Variants in RYR2 observed in about 807,000 individuals in gnomAD.
RYR2 encodes ryanodine receptor 2.
A neutral mutation model predicts 601.1 loss-of-function variants in RYR2; 227 were observed. The observed-to-expected ratio is 0.38, with a 90% CI of 0.34 to 0.42. The LOEUF is 0.42. Ranked by LOEUF, RYR2 falls within the 10% of genes least tolerant of loss-of-function variation. RYR2 has a pLI of 1.00. For missense variants in RYR2, 4,646 were observed against 6,156.5 expected, an observed-to-expected ratio of 0.75 and a Z score of 8.21; for synonymous variants, 2,223 against 2,175.1, an observed-to-expected ratio of 1.02 and a Z score of -0.61.
At chr1:237,651,286 T>C in intron 50 of RYR2, 125 bp from the exon 51 acceptor site, 1 of 684,366 alleles carries the variant, frequency 1.5e-6, no homozygotes, top group South Asian at 1.7e-5. Context: ...AAAGAACATC[T>C]AATGAATACC....
At chr1:237,094,107 C>T (rs944075395) in intron 1 of RYR2, among the ~76,000 whole-genome samples, 1 of 152,240 alleles carries the variant, frequency 6.6e-6, no homozygotes, top group Admixed American at 6.5e-5. Context: ...CCATTTCGAC[C>T]TCTGTGCCTT....
At chr1:237,636,305 T>G (rs1243449855) in intron 44 of RYR2, among the ~76,000 whole-genome samples, 1 of 152,116 alleles carries the variant, frequency 6.6e-6, no homozygotes, top group Admixed American at 6.5e-5. Context: ...TTGTCCTGCC[T>G]TTAGAGAACA....
chr1:237,692,883 C>A (rs1011842500), intron 63 of RYR2, among the ~76,000 whole-genome samples: 2 of 152,166 alleles, frequency 1.3e-5, no homozygotes, highest in African/African-American at 4.8e-5. Context: ...AGATTAATAT[C>A]TCTCTTCTCT....
rs1308664330 is a variant in RYR2, at chr1:237,569,000, A to G, written c.3424-145A>G. The G allele has an allele frequency of 8.9e-6, 5 of 562,900 alleles. No individual in the cohort carries two copies. The Admixed American group carries it at 1.3e-4, about 15-fold the overall frequency. 34.9% of individuals were successfully genotyped at this position (562,900 alleles called of 1,614,324 possible). A position where few individuals can be genotyped will look rare whatever the true frequency, so the allele number is the denominator to read the frequency against. ...CAGACAGCTCCATTTTGCTTAGGAC[A>G]TTGCAGTAGACCGATATGCCAGCTG... On this transcript the variant is annotated intron_variant, in intron 28 of 104. Coordinates refer to ENST00000366574, the MANE Select transcript of RYR2 (RefSeq NM_001035.3).
At position 237,832,850 on chromosome 1, in the gene RYR2, A is replaced by C. The variant is rs1019771170; in HGVS notation, c.*203A>C. 6 of 460,494 alleles carry C rather than the reference A, an allele frequency of 1.3e-5. No individual in the cohort carries two copies. Among genetic ancestry groups the C allele is most frequent in the Admixed American group, 3.8e-5 (1 of 26,466 alleles). The allele number at this position is 460,494 out of a possible 1,614,324, so 28.5% of individuals were successfully genotyped here. ...ACTTTGAGACTAAAGACTGAAGAATAATCTAAATTCATACTCAGACAAAAA... is the reference window on the plus strand; with the variant it reads ...ACTTTGAGACTAAAGACTGAAGAATCATCTAAATTCATACTCAGACAAAAA... On this transcript the variant is annotated 3_prime_UTR_variant, in exon 105 of 105. Transcript: ENST00000366574.
chr1:237,068,032 ATTTTTT>A (rs36053229), intron 1 of RYR2, among the ~76,000 whole-genome samples: 42 of 122,878 alleles, frequency 3.4e-4, no homozygotes, highest in Non-Finnish European at 6.4e-4. Flanking sequence ...CAGAACTTTG[ATTTTTT>A]TTTTTTTTTT....
At chr1:237,546,481 G>A (rs1378667082) in intron 25 of RYR2, among the ~76,000 whole-genome samples, 3 of 152,050 alleles carry the variant, frequency 2.0e-5, no homozygotes, top group Non-Finnish European at 4.4e-5. Context: ...AGATTCAAGC[G>A]ATTCTCATGC....
chr1:237,748,194 T>C lies in RYR2; in HGVS notation c.11145+5845T>C, dbSNP rs538270606. On this transcript the variant is annotated intron_variant, in intron 80 of 104. Coordinates refer to ENST00000366574, the MANE Select transcript of RYR2 (RefSeq NM_001035.3). ...GGAATGAGGGAGGGCAAGTAGAAGA[T>C]AGAGTGTTCTTGAGCTGATCACAGC... 2.2e-4 allele frequency among the ~76,000 whole-genome samples: 34 copies of C among 152,206 alleles called. No homozygotes were observed. The South Asian group carries it at 6.8e-3, about 31-fold the overall frequency.
chr1:237,456,082 T>C (rs1658780113), intron 15 of RYR2, among the ~76,000 whole-genome samples: 1 of 152,206 alleles, frequency 6.6e-6, no homozygotes. Flanking sequence ...TAGCTCTTTA[T>C]GTGGTTTGCC....
chr1:237,544,711 A>G (rs1354088984), intron 25 of RYR2, among the ~76,000 whole-genome samples: 2 of 152,176 alleles, frequency 1.3e-5, no homozygotes, highest in African/African-American at 4.8e-5. Flanking sequence ...GTCAAACTGT[A>G]CTTATTTACT....
intron 13 of RYR2, 60 bp from the exon 14 acceptor site, chr1:237,445,341 C>T: frequency 6.2e-7 from 1 of 1,604,968 alleles, no homozygotes; most frequent in Admixed American, 1.7e-5. Flanking sequence ...ACACATCTCC[C>T]TAACTCTAGT....
chr1:237,410,561 C>T (rs994317701), intron 10 of RYR2, among the ~76,000 whole-genome samples: 6 of 152,126 alleles, frequency 3.9e-5, no homozygotes, highest in African/African-American at 1.2e-4. Flanking sequence ...TGTTACACAG[C>T]CATCCTATTT....
intron 73 of RYR2, among the ~76,000 whole-genome samples, chr1:237,720,822 T>G (rs917405679): frequency 1.3e-5 from 2 of 152,210 alleles, no homozygotes; most frequent in Non-Finnish European, 2.9e-5. Flanking sequence ...GTTATGATTA[T>G]AAGCAGAAAG....
At chr1:237,744,221 ATTAC>A (rs1691861245) in intron 80 of RYR2, among the ~76,000 whole-genome samples, 1 of 152,184 alleles carries the variant, frequency 6.6e-6, no homozygotes, top group Admixed American at 6.5e-5. Flanking sequence ...GAATTACAAA[ATTAC>A]TTACATTAAT....
chr1:237,334,555 C>T (rs541563550), intron 3 of RYR2, among the ~76,000 whole-genome samples: 1 of 151,862 alleles, frequency 6.6e-6, no homozygotes, highest in South Asian at 2.1e-4. Flanking sequence ...GTAAATAGGC[C>T]AAGACCTGTC....
chr1:237,107,405 C>T (rs890710193), intron 1 of RYR2, among the ~76,000 whole-genome samples: 3 of 150,352 alleles, frequency 2.0e-5, no homozygotes, highest in Non-Finnish European at 3.0e-5. Flanking sequence ...CCTGTAGTCC[C>T]AGCTACTCAG....
intron 3 of RYR2, among the ~76,000 whole-genome samples, chr1:237,338,091 G>T (rs953997374): frequency 6.6e-6 from 1 of 152,140 alleles, no homozygotes; most frequent in African/African-American, 2.4e-5. Context: ...ATCGTCACAG[G>T]TGCCAGGGAT....
intron 1 of RYR2, among the ~76,000 whole-genome samples, chr1:237,113,361 G>A (rs576615915): frequency 2.0e-5 from 3 of 151,354 alleles, no homozygotes; most frequent in Non-Finnish European, 4.4e-5. Context: ...ACCATGCTTG[G>A]CTAATTTTTT....
At chr1:237,676,053 AC>A (rs1196260573) in intron 60 of RYR2, among the ~76,000 whole-genome samples, 2 of 152,162 alleles carry the variant, frequency 1.3e-5, no homozygotes, top group Non-Finnish European at 2.9e-5. Flanking sequence ...TAACCGAAGA[AC>A]AAAAATGAGG....
Sources: gnomAD v4.1 joint callset for allele counts (sites outside exome capture counted in the v4.1 genomes callset) on GRCh38, gnomAD v4.1.1 for gene constraint, MANE v1.5 for transcripts, NCBI Gene and HGNC (gene_info 2026-07-23, HGNC 2026-07-21) for gene names.